The following PIP4K2C variants were observed in gnomAD, a reference collection of about 807,000 sequenced individuals.
PIP4K2C encodes phosphatidylinositol-5-phosphate 4-kinase type 2 gamma, also known as phosphatidylinositol 5-phosphate 4-kinase type-2 gamma.
Under a neutral mutation model 45.0 loss-of-function variants are expected in PIP4K2C, and 21 were observed. That is an observed-to-expected ratio of 0.47 (90% CI 0.33 to 0.67). PIP4K2C has a LOEUF of 0.67. PIP4K2C is among the 30% of genes least tolerant of loss of function. The pLI is 0.02. For missense variants in PIP4K2C, 456 were observed against 542.8 expected (o/e 0.84, Z 1.59); for synonymous variants, 201 against 204.8 (o/e 0.98, Z 0.16).
Position 57,600,360 on chromosome 12 carries a change from C to T in PIP4K2C, c.736C>T (p.Leu246Phe). The part of the protein sequence containing the change: ...ELPTLKDMDF[L>F]NKNQKVYIGE... ...GCCCACCCTTAAGGATATGGACTTT[C>T]TCAACAAGAACCAGAAAGTATATAT... The change falls in exon 7 of 10, where the codon CTC (leucine) becomes TTC (phenylalanine). Residue 246 changes from leucine (L) to phenylalanine (F), a missense_variant. Physicochemically the swap from Leu to Phe is conservative, Grantham distance 22. Coordinates refer to ENST00000354947, the MANE Select transcript of PIP4K2C (RefSeq NM_024779.5). The T allele has an allele frequency of 6.2e-7, 1 of 1,610,070 alleles. No homozygotes were observed. Among genetic ancestry groups the T allele is most frequent in the Non-Finnish European group, 8.5e-7 (1 of 1,176,456 alleles).
rs930251604 is a variant in PIP4K2C at position 57,601,174 on chromosome 12, CA to C, written c.1082-67del. 1.7e-5 allele frequency: 27 copies of C among 1,589,060 alleles called. No homozygotes were observed. The African/African-American group carries it at 1.7e-4, about 10-fold the overall frequency. On this transcript the variant is annotated intron_variant, in intron 8 of 9. Transcript: ENST00000354947. ...GGAGAGCCTGATTAGCTTTTCAGAA[CA>C]AAACTGACTGCTTCCTGGAGAAAGG...
chr12:57,593,698 T>G (rs1418390309), intron 1 of PIP4K2C, among the ~76,000 whole-genome samples: 1 of 106,910 alleles, frequency 9.4e-6, no homozygotes, highest in Non-Finnish European at 2.0e-5. Context: ...TTTTTTTTTT[T>G]TTTTTTTTTC....
At chr12:57,592,126 G>A (rs926661028) in intron 1 of PIP4K2C, among the ~76,000 whole-genome samples, 1 of 152,198 alleles carries the variant, frequency 6.6e-6, no homozygotes, top group African/African-American at 2.4e-5. Context: ...GAGCGATCGT[G>A]TTTGGTGTAG....
Position 57,601,092 on chromosome 12 carries a change from G to C in PIP4K2C, c.1081+14G>C. On this transcript the variant is annotated intron_variant, in intron 8 of 9. Coordinates refer to ENST00000354947, the MANE Select transcript of PIP4K2C (RefSeq NM_024779.5). ...GGAGTGCTGAAGGTGAGAGAACCGG[G>C]ACAATTTAAGGGTGGAGAGGGGATT... The C allele has an allele frequency of 6.2e-7, 1 of 1,611,586 alleles. No homozygotes were observed. The highest frequency in any genetic ancestry group is 2.2e-5 in the East Asian group (1 of 44,840).
Position 57,595,921 on chromosome 12 carries a change from G to A in PIP4K2C, c.403G>A (p.Glu135Lys), listed in dbSNP as rs760364085. 1.4e-5 allele frequency: 23 copies of A among 1,614,062 alleles called. No individual in the cohort carries two copies. Among genetic ancestry groups the A allele is most frequent in the Non-Finnish European group, 1.9e-5 (22 of 1,179,992 alleles). The change falls in exon 4 of 10, where the codon GAA becomes AAA. Residue 135 changes from glutamate (E) to lysine (K), a missense_variant. Glu to Lys is a moderately conservative substitution (Grantham distance 56). Coordinates refer to ENST00000354947, the MANE Select transcript of PIP4K2C (RefSeq NM_024779.5). ...TACCCGAAACCCCCCCAGCGAAAGT[G>A]AAGGCAGTGATGGTCGCTTCCTTAT... is the stretch of plus-strand genomic sequence containing the variant. ...SLTRNPPSES[E>K]GSDGRFLISY...
At chr12:57,594,764 G>A (rs1262340246) in intron 2 of PIP4K2C, among the ~76,000 whole-genome samples, 1 of 152,154 alleles carries the variant, frequency 6.6e-6, no homozygotes, top group Non-Finnish European at 1.5e-5. Flanking sequence ...GAGGTCAGGA[G>A]TTCGAGACCA....
In PIP4K2C at chr12:57,602,070, A is replaced by G. The variant is rs1252602638; in HGVS notation, c.*464A>G. 2 of 183,722 alleles carry G rather than the reference A, an allele frequency of 1.1e-5. No individual in the cohort carries two copies. Among genetic ancestry groups the G allele is most frequent in the African/African-American group, 4.7e-5 (2 of 42,348 alleles). The allele number at this position is 183,722 out of a possible 1,614,324, so 11.4% of individuals were successfully genotyped here. On this transcript the variant is annotated 3_prime_UTR_variant, in exon 10 of 10. Transcript: ENST00000354947. ...TGCTGATAACTTTATAAAACTCACT[A>G]TGGCATGCTTCCCTCCTGGTGGGCC...
rs951545244 is a variant in PIP4K2C, at chr12:57,601,735, C to T, written c.*129C>T. On this transcript the variant is annotated 3_prime_UTR_variant, in exon 10 of 10. Transcript: ENST00000354947. ...ATTCAGGCTGCAGGCTCCTTCCATC[C>T]AGATAACTCCATCCTGTCGAGTAGG... 2 of 777,014 alleles carry T rather than the reference C, an allele frequency of 2.6e-6. No individual in the cohort carries two copies. The highest frequency in any genetic ancestry group is 3.4e-5 in the African/African-American group (2 of 58,782). 48.1% of individuals were successfully genotyped at this position (777,014 alleles called of 1,614,324 possible).
chr12:57,600,262 G>T, intron 6 of PIP4K2C, 62 bp from the exon 7 acceptor site: 6 of 992,490 alleles, frequency 6.0e-6, no homozygotes, highest in Non-Finnish European at 9.4e-6. Context: ...TAGACAGAAG[G>T]TGGGGTTCTG....
At chr12:57,594,192 T>G (rs902693338) in intron 2 of PIP4K2C, 70 bp downstream of exon 2, 2 of 1,271,152 alleles carry the variant, frequency 1.6e-6, no homozygotes, top group African/African-American at 3.0e-5. Flanking sequence ...TTTAAAAGTT[T>G]CAGTGAGTTG....
chr12:57,601,881 A>G lies in PIP4K2C; in HGVS notation c.*275A>G. ...GAATGTTATTGTTGACTCTCTCCCA[A>G]GTGCCTTGATCTTTGTAATATCTCC... is the stretch of plus-strand genomic sequence containing the variant. On this transcript the variant is annotated 3_prime_UTR_variant, in exon 10 of 10. Coordinates refer to ENST00000354947, the MANE Select transcript of PIP4K2C (RefSeq NM_024779.5). The G allele has an allele frequency of 2.1e-6, 1 of 468,588 alleles. No individual in the cohort carries two copies. Among genetic ancestry groups the G allele is most frequent in the Non-Finnish European group, 3.9e-6 (1 of 256,132 alleles). 29.0% of individuals were successfully genotyped at this position (468,588 alleles called of 1,614,324 possible).
intron 1 of PIP4K2C, among the ~76,000 whole-genome samples, chr12:57,593,455 CT>C (rs1883048173): frequency 6.6e-5 from 1 of 15,076 alleles, no homozygotes; most frequent in Non-Finnish European, 5.4e-3. Context: ...CTTCCTTTAC[CT>C]TACACCTTAG....
chr12:57,601,218 A>G (rs890543383), intron 8 of PIP4K2C, 27 bp from the exon 9 acceptor site: 27 of 1,601,436 alleles, frequency 1.7e-5, no homozygotes, highest in Admixed American at 8.5e-5. Flanking sequence ...AACTAAACCT[A>G]CTCTGAATTG....
chr12:57,592,528 G>C (rs1883007029), intron 1 of PIP4K2C, among the ~76,000 whole-genome samples: 1 of 152,084 alleles, frequency 6.6e-6, no homozygotes, highest in Admixed American at 6.5e-5. Context: ...TGGATTTGTG[G>C]CTCTCTGGGT....
intron 7 of PIP4K2C, 103 bp from the exon 8 acceptor site, chr12:57,600,708 C>G: frequency 6.9e-7 from 1 of 1,445,836 alleles, no homozygotes; most frequent in Non-Finnish European, 9.5e-7. Flanking sequence ...TTTTATACTT[C>G]CTTTCCCCAG....
chr12:57,601,164 C>G (rs1466646930), intron 8 of PIP4K2C, 81 bp from the exon 9 acceptor site: 1 of 1,589,580 alleles, frequency 6.3e-7, no homozygotes, highest in Non-Finnish European at 8.6e-7. Context: ...GCCTGATTAG[C>G]TTTTCAGAAC....
rs1883518042 is a variant in PIP4K2C at position 57,603,135 on chromosome 12, T to G, written c.*1529T>G. On this transcript the variant is annotated 3_prime_UTR_variant, in exon 10 of 10. Coordinates refer to ENST00000354947, the MANE Select transcript of PIP4K2C (RefSeq NM_024779.5). ...GGTGGTAGCAAGAGGAGTACCCAGT[T>G]AGGGGTTGGAGCCCCCATATAACAT... 1 of 152,606 alleles carries G rather than the reference T, an allele frequency of 6.6e-6. No individual in the cohort carries two copies. The allele number at this position is 152,606 out of a possible 1,614,324, so 9.5% of individuals were successfully genotyped here. A position where few individuals can be genotyped will look rare whatever the true frequency, so the allele number is the denominator to read the frequency against.
At position 57,601,637 on chromosome 12, in the gene PIP4K2C, G is replaced by A; in HGVS notation, c.*31G>A. On this transcript the variant is annotated 3_prime_UTR_variant, in exon 10 of 10. Coordinates refer to ENST00000354947, the MANE Select transcript of PIP4K2C (RefSeq NM_024779.5). ...TGCCTGGTTCTCTCTGATGTTCAAG[G>A]TGGTGGGGTTCTGAGACACTTGGGG... 1 of 1,553,194 alleles carries A rather than the reference G, an allele frequency of 6.4e-7. No individual in the cohort carries two copies. Among genetic ancestry groups the A allele is most frequent in the Non-Finnish European group, 8.9e-7 (1 of 1,124,652 alleles).
intron 4 of PIP4K2C, 147 bp from the exon 5 acceptor site, chr12:57,598,918 G>T: frequency 2.6e-6 from 2 of 782,620 alleles, no homozygotes; most frequent in Non-Finnish European, 4.0e-6. Flanking sequence ...GGAGTGTTTT[G>T]GGGAAGCTTC....
Sources: gnomAD v4.1 joint callset for allele counts (sites outside exome capture counted in the v4.1 genomes callset) on GRCh38, gnomAD v4.1.1 for gene constraint, MANE v1.5 for transcripts, NCBI Gene and HGNC (gene_info 2026-07-23, HGNC 2026-07-21) for gene names.